Variants in PTPRD observed in about 807,000 individuals in gnomAD.
PTPRD encodes protein tyrosine phosphatase receptor type D, also known as receptor-type tyrosine-protein phosphatase delta.
In PTPRD, 34 loss-of-function variants were observed where a neutral mutation model predicts 214.5. That is an observed-to-expected ratio of 0.16 (90% CI 0.12 to 0.21). PTPRD has a LOEUF of 0.21. Among genes scored for constraint, PTPRD ranks in the 10% least tolerant of loss-of-function variants. The pLI is 1.00. For synonymous variants in PTPRD, 1,128 were observed against 845.7 expected (o/e 1.33, Z -5.79); for missense variants, 2,545 against 2,398.7 (o/e 1.06, Z -1.27).
At chr9:9,771,507 T>C (rs921532553) in intron 5 of PTPRD, among the ~76,000 whole-genome samples, 12 of 152,198 alleles carry the variant, frequency 7.9e-5, no homozygotes, top group Non-Finnish European at 1.3e-4. Context: ...TTTCTCTCAG[T>C]TGTATCATTG....
At chr9:10,241,371 G>C (rs570059347) in intron 3 of PTPRD, among the ~76,000 whole-genome samples, 5 of 151,994 alleles carry the variant, frequency 3.3e-5, no homozygotes, top group East Asian at 3.9e-4. Flanking sequence ...AGAAACGAAA[G>C]AATGTGTCCA....
At chr9:8,406,500 G>T (rs1344465881) in intron 35 of PTPRD, among the ~76,000 whole-genome samples, 1 of 152,172 alleles carries the variant, frequency 6.6e-6, no homozygotes, top group Non-Finnish European at 1.5e-5. Context: ...TTGGCTGCCT[G>T]TTTAATAACT....
rs547692766 is a variant in PTPRD, at chr9:10,276,305, T to A, written c.-545+64658A>T. Among the ~76,000 whole-genome samples the A allele has an allele frequency of 8.5e-4, 129 of 152,290 alleles. 1 individual carries two copies. The highest frequency in any genetic ancestry group is 3.0e-3 in the African/African-American group (125 of 41,572). On this transcript the variant is annotated intron_variant, in intron 3 of 45. Coordinates refer to ENST00000381196, the MANE Select transcript of PTPRD (RefSeq NM_002839.4). Reference sequence around the variant, plus strand: ...ACAAATGCATGACACAGCTACACAATCCTGCACATTCCTTCCTTTCTTTGA... The same window carrying A: ...ACAAATGCATGACACAGCTACACAAACCTGCACATTCCTTCCTTTCTTTGA...
At chr9:10,611,905 G>GCCCC (rs71332762) in intron 2 of PTPRD, among the ~76,000 whole-genome samples, 1 of 128,014 alleles carries the variant, frequency 7.8e-6, no homozygotes, top group African/African-American at 2.9e-5. Context: ...TCCCTTTTCC[G>GCCCC]CCCCCCCCCC....
intron 3 of PTPRD, among the ~76,000 whole-genome samples, chr9:10,302,849 G>A (rs1372466778): frequency 6.6e-6 from 1 of 152,050 alleles, no homozygotes; most frequent in African/African-American, 2.4e-5. Context: ...ATATTAGACA[G>A]ATCAAGACAG....
intron 8 of PTPRD, among the ~76,000 whole-genome samples, chr9:9,418,949 G>C (rs1311067514): frequency 6.6e-6 from 1 of 151,844 alleles, no homozygotes; most frequent in East Asian, 1.9e-4. Flanking sequence ...TAAGCAGAAA[G>C]AGTGTAGTGG....
chr9:9,791,243 G>A (rs1340721993), intron 5 of PTPRD, among the ~76,000 whole-genome samples: 1 of 152,088 alleles, frequency 6.6e-6, no homozygotes, highest in African/African-American at 2.4e-5. Context: ...GCTAAAATCG[G>A]ATTATACCTT....
chr9:9,171,553 G>C (rs533694739), intron 10 of PTPRD, among the ~76,000 whole-genome samples: 1 of 151,940 alleles, frequency 6.6e-6, no homozygotes, highest in Admixed American at 6.6e-5. Flanking sequence ...GTCATAAATG[G>C]AAAGTTTGGA....
chr9:9,965,416 G>A (rs1396074789), intron 4 of PTPRD, among the ~76,000 whole-genome samples: 1 of 152,150 alleles, frequency 6.6e-6, no homozygotes, highest in Admixed American at 6.6e-5. Flanking sequence ...TCACGGATTA[G>A]CAGAAAAGGG....
intron 30 of PTPRD, among the ~76,000 whole-genome samples, chr9:8,483,286 T>TTTTGGAA (rs1384481485): frequency 6.6e-6 from 1 of 152,228 alleles, no homozygotes; most frequent in African/African-American, 2.4e-5. Flanking sequence ...AACTTTAACT[T>TTTTGGAA]TTTGGAATTT....
chr9:9,673,465 A>G (rs1437852225), intron 7 of PTPRD, among the ~76,000 whole-genome samples: 1 of 151,912 alleles, frequency 6.6e-6, no homozygotes, highest in Non-Finnish European at 1.5e-5. Flanking sequence ...ATTTCAATGA[A>G]TGGTTAGATT....
intron 3 of PTPRD, among the ~76,000 whole-genome samples, chr9:10,221,095 G>C (rs2099569518): frequency 6.6e-6 from 1 of 151,998 alleles, no homozygotes; most frequent in Admixed American, 6.6e-5. Flanking sequence ...TATGTTATCA[G>C]AGAGTCCATG....
At position 9,370,281 on chromosome 9, in the gene PTPRD, T is replaced by A. The variant is rs2059102416; in HGVS notation, c.-203+27168A>T. The stretch of plus-strand genomic sequence containing the variant: ...TTCCATTTGTTTGTGTCCTCTTTTA[T>A]TTCCCTGAGCAGTGGTTTGTAGTTC... On this transcript the variant is annotated intron_variant, in intron 9 of 45. Transcript: ENST00000381196. Among the ~76,000 whole-genome samples the A allele has an allele frequency of 2.0e-5, 3 of 152,104 alleles. No individual in the cohort carries two copies. In the South Asian group the frequency reaches 6.2e-4, roughly 31 times the overall value.
intron 7 of PTPRD, among the ~76,000 whole-genome samples, chr9:9,696,436 C>G (rs1458179660): frequency 6.6e-6 from 1 of 151,948 alleles, no homozygotes; most frequent in African/African-American, 2.4e-5. Context: ...TGCAGTCTAG[C>G]TCTCCTTTTA....
intron 11 of PTPRD, among the ~76,000 whole-genome samples, chr9:8,805,338 GTCTC>G (rs962158306): frequency 1.1e-4 from 17 of 152,250 alleles, no homozygotes; most frequent in African/African-American, 3.8e-4. Context: ...TGACCAGGTG[GTCTC>G]TCTCTAAATT....
chr9:9,072,944 T>G (rs1163521567), intron 10 of PTPRD, among the ~76,000 whole-genome samples: 1 of 152,168 alleles, frequency 6.6e-6, no homozygotes, highest in Non-Finnish European at 1.5e-5. Flanking sequence ...CGTGCCATCT[T>G]GAACAGATCT....
chr9:9,595,288 TTATATA>T (rs56676115), intron 7 of PTPRD, among the ~76,000 whole-genome samples: 2,546 of 123,536 alleles, frequency 0.021, 88 homozygotes, highest in African/African-American at 0.067. Context: ...TATATATATA[TTATATA>T]TATATATATA....
intron 11 of PTPRD, among the ~76,000 whole-genome samples, chr9:8,775,964 G>A (rs558953517): frequency 6.6e-4 from 101 of 152,230 alleles, no homozygotes; most frequent in African/African-American, 2.2e-3. Flanking sequence ...CCTAGCAGTA[G>A]GTAAAGTTGA....
chr9:10,489,407 AG>A (rs1178570603), intron 2 of PTPRD, among the ~76,000 whole-genome samples: 19 of 152,118 alleles, frequency 1.2e-4, no homozygotes, highest in African/African-American at 4.6e-4. Flanking sequence ...TGGAGCCACA[AG>A]CCATGCAGCC....
Sources: allele counts gnomAD v4.1 joint callset (sites outside exome capture counted in the v4.1 genomes callset), GRCh38; gene constraint gnomAD v4.1.1; transcripts MANE v1.5; gene names NCBI Gene and HGNC (gene_info 2026-07-23, HGNC 2026-07-21).